The following SDC1 variants were observed in gnomAD, a reference collection of about 807,000 sequenced individuals.
SDC1 encodes the protein syndecan-1.
A neutral mutation model predicts 29.7 loss-of-function variants in SDC1; 14 were observed. That is an observed-to-expected ratio of 0.47 (90% CI 0.31 to 0.74). SDC1 has a LOEUF of 0.74. Among genes scored for constraint, SDC1 ranks in the 30% least tolerant of loss-of-function variants. The probability of loss-of-function intolerance (pLI) is 0.05; values close to 1 mark genes in which losing one functional copy is unlikely to be tolerated. For synonymous variants in SDC1, 204 were observed against 175.5 expected (o/e 1.16, Z -1.29); for missense variants, 406 against 400.3 (o/e 1.01, Z -0.12).
intron 3 of SDC1, 138 bp downstream of exon 3, chr2:20,203,675 A>G (rs1677125557): frequency 2.9e-6 from 2 of 691,320 alleles, no homozygotes; most frequent in South Asian, 3.8e-5. Context: ...CCCTGGGGGT[A>G]GGGGAAGGCG....
At chr2:20,221,049 T>C (rs773259016) in intron 1 of SDC1, among the ~76,000 whole-genome samples, 43 of 152,116 alleles carry the variant, frequency 2.8e-4, no homozygotes, top group Admixed American at 4.6e-4. Context: ...TTTTCTCCAC[T>C]GAGAGAGGCC....
chr2:20,203,792 A>G (rs1248885852), intron 3 of SDC1, 21 bp downstream of exon 3: 3 of 1,520,506 alleles, frequency 2.0e-6, no homozygotes, highest in East Asian at 4.5e-5. Context: ...CAATTTCCCA[A>G]GGAATGCAGA....
chr2:20,213,299 G>T (rs905229707), intron 1 of SDC1, among the ~76,000 whole-genome samples: 8 of 152,206 alleles, frequency 5.3e-5, no homozygotes, highest in African/African-American at 1.9e-4. Flanking sequence ...CCCGGGCCAG[G>T]CCAGGCAGGG....
At chr2:20,210,000 T>G (rs567063849) in intron 1 of SDC1, among the ~76,000 whole-genome samples, 2 of 152,330 alleles carry the variant, frequency 1.3e-5, no homozygotes, top group South Asian at 4.1e-4. Flanking sequence ...TCACTGACAT[T>G]GGTCACCTGC....
At position 20,202,764 on chromosome 2, in the gene SDC1, C is replaced by T. The variant is rs748999875; in HGVS notation, c.*2G>A. The T allele has an allele frequency of 2.0e-5, 32 of 1,597,112 alleles. No homozygotes were observed. The East Asian group carries it at 3.6e-4, about 18-fold the overall frequency. Reference sequence around the variant, plus strand: ...GGGCGGAGGGGGCGCATGGCTCCCGCGTCAGGCATAGAATTCCTCCTGTTT... The same window carrying T: ...GGGCGGAGGGGGCGCATGGCTCCCGTGTCAGGCATAGAATTCCTCCTGTTT... On this transcript the variant is annotated 3_prime_UTR_variant, in exon 5 of 5. Coordinates refer to ENST00000254351, the MANE Select transcript of SDC1 (RefSeq NM_002997.5).
chr2:20,224,812 G>T lies in SDC1; in HGVS notation c.56C>A (p.Pro19Gln). Residue 19 changes from proline to glutamine, a missense_variant, in exon 1 of 5, where the codon CCG becomes CAG. By Grantham distance (76) the Pro-to-Gln change is moderately conservative (BLOSUM62 -1). Coordinates refer to ENST00000254351, the MANE Select transcript of SDC1 (RefSeq NM_002997.5). This position sits in a 1 kb window ranked among gnomAD's most constrained non-coding sequence, Gnocchi z 4.9. ...WLCALALSLQ[P>Q]ALPQIVATNL... ...GCCGGCCGCACTCACCGGCAGGGCC[G>T]GCTGCAGGCTCAGCGCCAGCGCGCA... 1 of 1,298,184 alleles carries T rather than the reference G, an allele frequency of 7.7e-7. No individual in the cohort carries two copies. The highest frequency in any genetic ancestry group is 2.3e-5 in the South Asian group (1 of 43,900). 80.4% of individuals were successfully genotyped at this position (1,298,184 alleles called of 1,614,324 possible).
At chr2:20,208,535 G>T (rs1677357270) in intron 1 of SDC1, among the ~76,000 whole-genome samples, 1 of 152,222 alleles carries the variant, frequency 6.6e-6, no homozygotes, top group South Asian at 2.1e-4. Context: ...TCAGCCCCCT[G>T]AGGAGGAAAT....
intron 2 of SDC1, among the ~76,000 whole-genome samples, chr2:20,204,536 C>T (rs889931173): frequency 6.6e-6 from 1 of 152,030 alleles, no homozygotes; most frequent in East Asian, 1.9e-4. Context: ...GAGACAGGTG[C>T]CTAGGCCACC....
rs1677912636 is a variant in SDC1 at position 20,224,112 on chromosome 2, G to T, written c.66+690C>A. 2.4e-6 allele frequency: 1 copy of T among 415,054 alleles called. No individual in the cohort carries two copies. 25.7% of individuals were successfully genotyped at this position (415,054 alleles called of 1,614,324 possible). On this transcript the variant is annotated intron_variant, in intron 1 of 4. Transcript: ENST00000254351. The surrounding 1 kb of genome is among the most constrained non-coding windows in gnomAD (Gnocchi z 4.9). ...GGGCCAGCTCAACTTCAGCAGCCCA[G>T]AAGTTGGGCTCCTCCGGGTCTCCAG...
chr2:20,213,032 T>A (rs1677519156), intron 1 of SDC1, among the ~76,000 whole-genome samples: 1 of 152,186 alleles, frequency 6.6e-6, no homozygotes, highest in Admixed American at 6.5e-5. Flanking sequence ...CTTTTTGCCC[T>A]GCACCGCACT....
chr2:20,219,633 T>G (rs1181348584), intron 1 of SDC1, among the ~76,000 whole-genome samples: 2 of 152,210 alleles, frequency 1.3e-5, no homozygotes, highest in African/African-American at 4.8e-5. Context: ...CAACCTCTGC[T>G]GGAACAGCTG....
At position 20,204,306 on chromosome 2, in the gene SDC1, G is replaced by A. The variant is rs1677171422; in HGVS notation, c.149-15C>T. ...TTGCAAAGCACCTGCAGGACCAGAA[G>A]CAGAGTGTGTTGGGGAGGTGGGGGG... is the stretch of plus-strand genomic sequence containing the variant. On this transcript the variant is annotated splice_polypyrimidine_tract_variant and intron_variant, in intron 2 of 4. Coordinates refer to ENST00000254351, the MANE Select transcript of SDC1 (RefSeq NM_002997.5). The A allele has an allele frequency of 6.6e-7, 1 of 1,526,596 alleles. No homozygotes were observed. The highest frequency in any genetic ancestry group is 1.1e-5 in the South Asian group (1 of 89,060). The allele number at this position is 1,526,596 out of a possible 1,614,324, so 94.6% of individuals were successfully genotyped here. A position where few individuals can be genotyped will look rare whatever the true frequency, so the allele number is the denominator to read the frequency against.
At chr2:20,214,096 G>A (rs1364958389) in intron 1 of SDC1, among the ~76,000 whole-genome samples, 2 of 152,190 alleles carry the variant, frequency 1.3e-5, no homozygotes, top group African/African-American at 4.8e-5. Flanking sequence ...CTGGGAGAGG[G>A]AACAGGATTA....
chr2:20,214,214 TC>T (rs948431563), intron 1 of SDC1, among the ~76,000 whole-genome samples: 1 of 152,206 alleles, frequency 6.6e-6, no homozygotes, highest in Non-Finnish European at 1.5e-5. Flanking sequence ...TCTTTGCTCT[TC>T]CTGGAGTCAC....
intron 1 of SDC1, among the ~76,000 whole-genome samples, chr2:20,213,674 T>G (rs768553721): frequency 6.6e-6 from 1 of 152,180 alleles, no homozygotes; most frequent in Non-Finnish European, 1.5e-5. Flanking sequence ...ATTTCCCCAG[T>G]CGGCCCTTAC....
chr2:20,223,312 A>G, intron 1 of SDC1: 5 of 1,281,002 alleles, frequency 3.9e-6, no homozygotes, highest in Non-Finnish European at 5.1e-6. Flanking sequence ...GCGCTCAATA[A>G]CTGGCAGCTA....
intron 1 of SDC1, chr2:20,208,222 C>T (rs1050144090): frequency 1.8e-6 from 1 of 548,578 alleles, no homozygotes; most frequent in Non-Finnish European, 2.3e-6. Context: ...CCAGGGAGGC[C>T]CCAACACGTT....
intron 1 of SDC1, among the ~76,000 whole-genome samples, chr2:20,217,070 C>T (rs1204092744): frequency 6.6e-6 from 1 of 152,206 alleles, no homozygotes; most frequent in Non-Finnish European, 1.5e-5. Context: ...CCTGCCCTGA[C>T]ACTTCCCATG....
At chr2:20,216,542 A>G (rs1450073344) in intron 1 of SDC1, among the ~76,000 whole-genome samples, 1 of 152,198 alleles carries the variant, frequency 6.6e-6, no homozygotes, top group Non-Finnish European at 1.5e-5. Flanking sequence ...TACAGATAAG[A>G]TGGGCCTTCC....
Sources: allele counts gnomAD v4.1 joint callset (sites outside exome capture counted in the v4.1 genomes callset), GRCh38; gene constraint gnomAD v4.1.1; non-coding constraint Gnocchi (gnomAD v3.1); transcripts MANE v1.5; gene names NCBI Gene and HGNC (gene_info 2026-07-23, HGNC 2026-07-21).